The following GALNT13 variants were observed in gnomAD, a reference collection of about 807,000 sequenced individuals.
GALNT13 encodes the protein UDP-GalNAc:polypeptide N-acetylgalactosaminyltransferase 13.
In GALNT13, 28 loss-of-function variants were observed where a neutral mutation model predicts 64.2. That is an observed-to-expected ratio of 0.44 (90% confidence interval 0.32 to 0.60). The LOEUF is 0.60. Ranked by LOEUF, GALNT13 falls within the 20% of genes least tolerant of loss-of-function variation. The probability of loss-of-function intolerance (pLI) is 0.05; values close to 1 mark genes in which losing one functional copy is unlikely to be tolerated. For missense variants in GALNT13, 577 were observed against 669.8 expected, an observed-to-expected ratio of 0.86 and a Z score of 1.53; for synonymous variants, 214 against 224.6, an observed-to-expected ratio of 0.95 and a Z score of 0.42.
At chr2:154,162,447 G>A (rs1214285598) in intron 4 of GALNT13, among the ~76,000 whole-genome samples, 1 of 152,144 alleles carries the variant, frequency 6.6e-6, no homozygotes, top group African/African-American at 2.4e-5. Flanking sequence ...TTGTGGCCCA[G>A]AAAACAGGAT....
chr2:153,969,798 C>T (rs1305981076), intron 3 of GALNT13, among the ~76,000 whole-genome samples: 2 of 152,030 alleles, frequency 1.3e-5, no homozygotes, highest in South Asian at 2.1e-4. Context: ...TATGTGTTTT[C>T]GTTTTCTTCT....
the GALNT13 span, among the ~76,000 whole-genome samples, chr2:153,420,200 C>A: frequency 2.0e-5 from 3 of 152,026 alleles, no homozygotes; most frequent in Non-Finnish European, 2.9e-5. Flanking sequence ...ACATTATGAA[C>A]GTTTTTAATG....
At chr2:153,516,613 G>A in the GALNT13 span, among the ~76,000 whole-genome samples, 1 of 151,974 alleles carries the variant, frequency 6.6e-6, no homozygotes, top group Admixed American at 6.6e-5. Context: ...GATGGAGGAT[G>A]GGAGGATAGA....
intron 9 of GALNT13, among the ~76,000 whole-genome samples, chr2:154,312,384 A>T (rs563358772): frequency 1.1e-4 from 17 of 152,100 alleles, no homozygotes; most frequent in Non-Finnish European, 2.4e-4. Flanking sequence ...TTCTAATGAC[A>T]TTGGGATTTC....
chr2:154,354,666 C>G (rs799813), intron 9 of GALNT13, among the ~76,000 whole-genome samples: 110,550 of 151,404 alleles, frequency 0.73, 40,657 homozygotes, highest in Middle Eastern at 0.79. Flanking sequence ...CACCGTTTAT[C>G]GAAGAGACCA....
At chr2:153,319,014 A>AC in the GALNT13 span, among the ~76,000 whole-genome samples, 23 of 152,138 alleles carry the variant, frequency 1.5e-4, no homozygotes, top group Admixed American at 1.5e-3. Context: ...CAAATAAGGG[A>AC]CCCAGGGTTC....
the GALNT13 span, among the ~76,000 whole-genome samples, chr2:153,538,488 C>T: frequency 8.7e-6 from 1 of 114,942 alleles, no homozygotes; most frequent in South Asian, 3.1e-4. Flanking sequence ...TGCGCTGCAC[C>T]CACTAACTCA....
chr2:153,184,607 A>T, the GALNT13 span, among the ~76,000 whole-genome samples: 2 of 152,198 alleles, frequency 1.3e-5, no homozygotes, highest in Admixed American at 6.5e-5. Flanking sequence ...TGGGTTTGTC[A>T]TATATGGTTC....
the GALNT13 span, among the ~76,000 whole-genome samples, chr2:153,238,703 A>G: frequency 6.6e-6 from 1 of 152,088 alleles, no homozygotes; most frequent in African/African-American, 2.4e-5. Context: ...GTCCATTTTT[A>G]TGCCAGTATC....
At chr2:153,299,815 T>C in the GALNT13 span, among the ~76,000 whole-genome samples, 1 of 152,210 alleles carries the variant, frequency 6.6e-6, no homozygotes, top group South Asian at 2.1e-4. Flanking sequence ...CTTTCAATTT[T>C]TATACCTGAA....
intron 3 of GALNT13, among the ~76,000 whole-genome samples, chr2:154,097,469 ACTTAT>A (rs1456746000): frequency 2.0e-5 from 3 of 152,096 alleles, no homozygotes; most frequent in Non-Finnish European, 2.9e-5. Context: ...CTGTTTCTGT[ACTTAT>A]CTTGATAAAC....
intron 11 of GALNT13, among the ~76,000 whole-genome samples, chr2:154,413,319 T>C (rs574749230): frequency 7.6e-4 from 115 of 152,080 alleles, no homozygotes; most frequent in African/African-American, 2.7e-3. Flanking sequence ...CCAACACTTC[T>C]ATGGAAAAAT....
At chr2:153,329,540 T>C in the GALNT13 span, among the ~76,000 whole-genome samples, 1 of 152,348 alleles carries the variant, frequency 6.6e-6, no homozygotes, top group South Asian at 2.1e-4. Flanking sequence ...ATGCTGGACA[T>C]TTTTTCATAT....
At chr2:154,079,009 C>T (rs913959784) in intron 3 of GALNT13, among the ~76,000 whole-genome samples, 1 of 151,606 alleles carries the variant, frequency 6.6e-6, no homozygotes, top group Non-Finnish European at 1.5e-5. Flanking sequence ...TAGCTATTAT[C>T]ATTTCAAGAT....
At chr2:153,667,331 C>T in the GALNT13 span, among the ~76,000 whole-genome samples, 1 of 152,190 alleles carries the variant, frequency 6.6e-6, no homozygotes, top group East Asian at 1.9e-4. Context: ...GACACATACT[C>T]ATCAGATTCT....
At chr2:153,652,736 G>T in the GALNT13 span, among the ~76,000 whole-genome samples, 326 of 152,284 alleles carry the variant, frequency 2.1e-3, no homozygotes, top group African/African-American at 7.5e-3. Context: ...GAATGTAATT[G>T]TCTTCATATG....
chr2:153,854,953 G>A, the GALNT13 span, among the ~76,000 whole-genome samples: 1 of 151,998 alleles, frequency 6.6e-6, no homozygotes, highest in Non-Finnish European at 1.5e-5. Flanking sequence ...AGCAAGCATA[G>A]AAAGTTGATA....
chr2:153,189,399 AT>A, the GALNT13 span, among the ~76,000 whole-genome samples: 5 of 152,116 alleles, frequency 3.3e-5, no homozygotes, highest in Admixed American at 6.5e-5. Context: ...CAAATGACAT[AT>A]TTTTTTGCAG....
chr2:153,474,631 C>T, the GALNT13 span, among the ~76,000 whole-genome samples: 4 of 152,176 alleles, frequency 2.6e-5, no homozygotes, highest in Non-Finnish European at 4.4e-5. Context: ...ATACAGAGGC[C>T]ACCCAATTAA....
Sources: gnomAD v4.1 joint callset for allele counts (sites outside exome capture counted in the v4.1 genomes callset) on GRCh38, gnomAD v4.1.1 for gene constraint, MANE v1.5 for transcripts, NCBI Gene and HGNC (gene_info 2026-07-23, HGNC 2026-07-21) for gene names.